LHFPL6: variants seen among roughly 807,000 people sequenced by gnomAD.
The protein encoded by LHFPL6 is LHFPL tetraspan subfamily member 6 protein.
A neutral mutation model predicts 20.6 loss-of-function variants in LHFPL6; 9 were observed. The observed-to-expected ratio is 0.44, with a 90% CI of 0.26 to 0.76. LHFPL6 has a LOEUF of 0.76. Among genes scored for constraint, LHFPL6 ranks in the 30% least tolerant of loss-of-function variants. The probability of loss-of-function intolerance (pLI) is 0.20; values close to 1 mark genes in which losing one functional copy is unlikely to be tolerated. For synonymous variants in LHFPL6, 105 were observed against 98.7 expected (o/e 1.06, Z -0.38); for missense variants, 218 against 253.5 (o/e 0.86, Z 0.95).
intron 2 of LHFPL6, among the ~76,000 whole-genome samples, chr13:39,423,226 A>G (rs1381836362): frequency 6.6e-6 from 1 of 152,186 alleles, no homozygotes; most frequent in Non-Finnish European, 1.5e-5. Flanking sequence ...TTACACAAAG[A>G]TTTACTTGGT....
chr13:39,452,777 A>T (rs533531165), intron 2 of LHFPL6, among the ~76,000 whole-genome samples: 155 of 152,378 alleles, frequency 1.0e-3, no homozygotes, highest in African/African-American at 3.5e-3. Flanking sequence ...TGTGAAAAAC[A>T]GACATATCCA....
At chr13:39,384,992 C>T (rs1018218448) in intron 2 of LHFPL6, among the ~76,000 whole-genome samples, 2 of 152,220 alleles carry the variant, frequency 1.3e-5, no homozygotes, top group African/African-American at 4.8e-5. Context: ...AGATCATTTG[C>T]AGCTACAAGC....
rs370503212 is a variant in LHFPL6 at position 39,600,992 on chromosome 13, C to A, written c.225G>T (p.Gln75His). 1.4e-5 allele frequency: 22 copies of A among 1,613,912 alleles called. No individual in the cohort carries two copies. In the African/African-American group the frequency reaches 2.8e-4, roughly 21 times the overall value. ...VEECGRYASF[Q>H]GIPSAEWRIC... ...TCCTCCATTCTGCGCTGGGGATGCC[C>A]TGGAAGGAGGCATAGCGCCCACATT... Residue 75 changes from glutamine (Q) to histidine (H), a missense_variant, in exon 2 of 4, where the codon CAG becomes CAT. Physicochemically the swap from Gln to His is conservative, Grantham distance 24. Transcript: ENST00000379589.
chr13:39,587,135 C>A (rs934438979), intron 2 of LHFPL6, among the ~76,000 whole-genome samples: 1 of 146,030 alleles, frequency 6.8e-6, no homozygotes, highest in Non-Finnish European at 1.5e-5. Context: ...CCAGCCTGGG[C>A]AATAAGAGTG....
chr13:39,419,956 T>C (rs2138395027), intron 2 of LHFPL6, among the ~76,000 whole-genome samples: 1 of 152,316 alleles, frequency 6.6e-6, no homozygotes, highest in East Asian at 1.9e-4. Flanking sequence ...ATAATGATTT[T>C]CAATAAAGTG....
chr13:39,477,499 T>C (rs1245670793), intron 2 of LHFPL6, among the ~76,000 whole-genome samples: 1 of 152,190 alleles, frequency 6.6e-6, no homozygotes, highest in Non-Finnish European at 1.5e-5. Context: ...GGAATATCTG[T>C]AAAGAGCAAC....
intron 2 of LHFPL6, among the ~76,000 whole-genome samples, chr13:39,547,833 T>C (rs1365263396): frequency 6.6e-6 from 1 of 152,128 alleles, no homozygotes; most frequent in Non-Finnish European, 1.5e-5. Flanking sequence ...GTTATTCTGA[T>C]ATATATTATG....
At chr13:39,370,624 T>G (rs1358831546) in intron 3 of LHFPL6, among the ~76,000 whole-genome samples, 1 of 152,178 alleles carries the variant, frequency 6.6e-6, no homozygotes, top group Non-Finnish European at 1.5e-5. Flanking sequence ...TGACAGACAC[T>G]TTAACTGCCG....
intron 2 of LHFPL6, among the ~76,000 whole-genome samples, chr13:39,556,930 C>A (rs1049937384): frequency 6.6e-6 from 1 of 151,966 alleles, no homozygotes; most frequent in South Asian, 2.1e-4. Flanking sequence ...CCACTGCAGT[C>A]CAGCCTGAGT....
intron 2 of LHFPL6, among the ~76,000 whole-genome samples, chr13:39,574,205 G>A (rs191105993): frequency 1.1e-4 from 16 of 152,284 alleles, no homozygotes; most frequent in Admixed American, 2.6e-4. Flanking sequence ...AAACAAGGCC[G>A]GGCGCGGTGG....
At position 39,437,856 on chromosome 13, in the gene LHFPL6, T is replaced by G. The variant is rs638235; in HGVS notation, c.386-59330A>C. ...GGCAGAGCTTGCAGTGAGCTGGGAT[T>G]GCGCCACTGCACTCCAGCCTGGGTG... On this transcript the variant is annotated intron_variant, in intron 2 of 3. Coordinates refer to ENST00000379589, the MANE Select transcript of LHFPL6 (RefSeq NM_005780.3). Among the ~76,000 whole-genome samples, 12 of 151,076 alleles carry G rather than the reference T, an allele frequency of 7.9e-5. No individual in the cohort carries two copies. In the South Asian group the frequency reaches 1.0e-3, roughly 13 times the overall value.
intron 2 of LHFPL6, among the ~76,000 whole-genome samples, chr13:39,432,567 G>A (rs1871841860): frequency 6.6e-6 from 1 of 152,048 alleles, no homozygotes; most frequent in South Asian, 2.1e-4. Flanking sequence ...TCTCGATTAG[G>A]TCTTCCTCAA....
intron 2 of LHFPL6, among the ~76,000 whole-genome samples, chr13:39,567,856 C>A (rs759431030): frequency 6.6e-6 from 1 of 152,232 alleles, no homozygotes; most frequent in African/African-American, 2.4e-5. Context: ...GTGTCTACTG[C>A]TGCTTTCCCA....
At chr13:39,488,594 G>A (rs1008868631) in intron 2 of LHFPL6, among the ~76,000 whole-genome samples, 4 of 152,102 alleles carry the variant, frequency 2.6e-5, no homozygotes, top group Admixed American at 6.6e-5. Flanking sequence ...TCCTCACCAC[G>A]TGAAGAAATT....
chr13:39,346,859 T>C (rs995391438), intron 3 of LHFPL6, among the ~76,000 whole-genome samples: 1 of 152,000 alleles, frequency 6.6e-6, no homozygotes, highest in Non-Finnish European at 1.5e-5. Flanking sequence ...ACCCCATCTC[T>C]ACTAAAAATA....
rs531543709 is a variant in LHFPL6 at position 39,399,785 on chromosome 13, G to T, written c.386-21259C>A. Among the ~76,000 whole-genome samples, 18 of 152,282 alleles carry T rather than the reference G, an allele frequency of 1.2e-4. No homozygotes were observed. The East Asian group carries it at 3.5e-3, about 29-fold the overall frequency. On this transcript the variant is annotated intron_variant, in intron 2 of 3. Coordinates refer to ENST00000379589, the MANE Select transcript of LHFPL6 (RefSeq NM_005780.3). ...AAGATCAGAAAACTCTGACTGCCAG[G>T]GTTAAATAAGAAAATTCATAAAACT...
intron 2 of LHFPL6, among the ~76,000 whole-genome samples, chr13:39,584,630 G>A: frequency 6.6e-6 from 1 of 151,482 alleles, no homozygotes; most frequent in South Asian, 2.1e-4. Flanking sequence ...CTTCTTTGGA[G>A]TAATTTTATG....
At chr13:39,562,695 C>CATAT (rs146575323) in intron 2 of LHFPL6, among the ~76,000 whole-genome samples, 4 of 146,386 alleles carry the variant, frequency 2.7e-5, no homozygotes, top group African/African-American at 7.6e-5. Flanking sequence ...CACACACACA[C>CATAT]ATATATATAT....
chr13:39,563,222 A>T (rs1248447895), intron 2 of LHFPL6, among the ~76,000 whole-genome samples: 2 of 152,082 alleles, frequency 1.3e-5, no homozygotes, highest in African/African-American at 4.8e-5. Context: ...TAAAAATAAA[A>T]ATCAGGATTA....
Sources: gnomAD v4.1 joint callset for allele counts (sites outside exome capture counted in the v4.1 genomes callset) on GRCh38, gnomAD v4.1.1 for gene constraint, MANE v1.5 for transcripts, NCBI Gene and HGNC (gene_info 2026-07-23, HGNC 2026-07-21) for gene names.